ASAH2: variants seen among roughly 807,000 people sequenced by gnomAD.
The protein encoded by ASAH2 is N-acylsphingosine amidohydrolase 2.
A neutral mutation model predicts 82.9 loss-of-function variants in ASAH2; 58 were observed. That is an observed-to-expected ratio of 0.70 (90% CI 0.57 to 0.87). The LOEUF is 0.87. Ranked by LOEUF, ASAH2 falls within the 40% of genes least tolerant of loss-of-function variation. The pLI is 0.00. For synonymous variants in ASAH2, 276 were observed against 289.7 expected, an observed-to-expected ratio of 0.95 and a Z score of 0.48; for missense variants, 779 against 834.0, an observed-to-expected ratio of 0.93 and a Z score of 0.81.
At chr10:50,232,251 G>C (rs1031795817) in intron 7 of ASAH2, among the ~76,000 whole-genome samples, 7 of 152,098 alleles carry the variant, frequency 4.6e-5, no homozygotes, top group Non-Finnish European at 8.8e-5. Context: ...CTACTTGGCA[G>C]ACCCTTTGTC....
chr10:50,210,712 C>T, intron 12 of ASAH2, 111 bp downstream of exon 12: 1 of 1,028,022 alleles, frequency 9.7e-7, no homozygotes, highest in Non-Finnish European at 1.5e-6. Context: ...AACCAGCAGA[C>T]CCTGAGTTTA....
At chr10:50,249,394 G>A (rs1846557046) in intron 1 of ASAH2, among the ~76,000 whole-genome samples, 1 of 152,092 alleles carries the variant, frequency 6.6e-6, no homozygotes, top group South Asian at 2.1e-4. Context: ...AAGGGAGGGA[G>A]AATTAATCAT....
At position 50,245,400 on chromosome 10, in the gene ASAH2, G is replaced by C; in HGVS notation, c.182C>G (p.Ser61Cys). 1 of 1,613,914 alleles carries C rather than the reference G, an allele frequency of 6.2e-7. No homozygotes were observed. The highest frequency in any genetic ancestry group is 8.5e-7 in the Non-Finnish European group (1 of 1,179,944). ...TTQSPPATQGSTAAQRSTATQ... is the reference protein window; with the variant it reads ...TTQSPPATQGCTAAQRSTATQ... ...GGCTGTGGAGCGTTGGGCAGCTGTG[G>C]AGCCCTGGGTGGCTGGAGGGCTTTG... Residue 61 changes from serine (S) to cysteine (C), a missense_variant, in exon 3 of 21, where the codon TCC becomes TGC. Ser to Cys is a moderately radical substitution (Grantham distance 112, BLOSUM62 -1). Coordinates refer to ENST00000682911, the MANE Select transcript of ASAH2 (RefSeq NM_019893.4).
intron 2 of ASAH2, among the ~76,000 whole-genome samples, chr10:50,247,804 C>G (rs751987758): frequency 7.9e-5 from 12 of 151,880 alleles, no homozygotes; most frequent in Non-Finnish European, 1.3e-4. Flanking sequence ...GTAAATGTAG[C>G]CTACGTTGTT....
chr10:50,198,749 T>C (rs1845060187), intron 17 of ASAH2, among the ~76,000 whole-genome samples: 1 of 151,998 alleles, frequency 6.6e-6, no homozygotes, highest in Non-Finnish European at 1.5e-5. Context: ...AGAAATGATA[T>C]CTCCTTAATT....
intron 6 of ASAH2, 67 bp from the exon 7 acceptor site, chr10:50,233,328 A>G (rs986586067): frequency 3.3e-6 from 4 of 1,202,922 alleles, no homozygotes; most frequent in African/African-American, 3.0e-5. Context: ...TAAGATGAAC[A>G]GTAGCAGCTG....
chr10:50,238,601 T>C (rs1395536545), intron 4 of ASAH2, among the ~76,000 whole-genome samples: 1 of 152,136 alleles, frequency 6.6e-6, no homozygotes, highest in Non-Finnish European at 1.5e-5. Context: ...AGGGACATCA[T>C]GAAAGCTGAA....
At chr10:50,225,564 T>A (rs1463132734) in intron 7 of ASAH2, among the ~76,000 whole-genome samples, 9 of 152,210 alleles carry the variant, frequency 5.9e-5, no homozygotes, top group African/African-American at 2.2e-4. Context: ...GTGATTTGAC[T>A]TTTTTAAGCC....
intron 7 of ASAH2, among the ~76,000 whole-genome samples, chr10:50,227,322 AAAAC>A (rs1379664522): frequency 3.0e-5 from 4 of 133,012 alleles, no homozygotes; most frequent in African/African-American, 5.4e-5. Context: ...GATCACTGCA[AAAAC>A]AAACAGATAC....
At position 50,186,710 on chromosome 10, in the gene ASAH2, CTA is replaced by C. The variant is rs1191588190; in HGVS notation, c.*603_*604del. ...ACTCCAGAATGACTGCTTAGAAAGA[CTA>C]TGTTATTTTGAATGAAGGAAAACTG... On this transcript the variant is annotated 3_prime_UTR_variant, in exon 21 of 21. Coordinates refer to ENST00000682911, the MANE Select transcript of ASAH2 (RefSeq NM_019893.4). The C allele has an allele frequency of 7.8e-6, 1 of 127,662 alleles. No homozygotes were observed. Among genetic ancestry groups the C allele is most frequent in the Non-Finnish European group, 1.6e-5 (1 of 61,848 alleles). The allele number at this position is 127,662 out of a possible 1,614,324, so 7.9% of individuals were successfully genotyped here.
intron 7 of ASAH2, among the ~76,000 whole-genome samples, chr10:50,220,798 T>A: frequency 9.0e-6 from 1 of 110,888 alleles, no homozygotes; most frequent in Admixed American, 1.1e-4. Context: ...AAAAAAGAAG[T>A]ATATAATGTC....
At chr10:50,202,450 T>A (rs1845176329) in intron 16 of ASAH2, among the ~76,000 whole-genome samples, 2 of 152,078 alleles carry the variant, frequency 1.3e-5, no homozygotes, top group Non-Finnish European at 2.9e-5. Context: ...TTGCAAAGTC[T>A]TAACCAGTGC....
chr10:50,201,671 C>T (rs1356112111), intron 16 of ASAH2, among the ~76,000 whole-genome samples: 1 of 151,992 alleles, frequency 6.6e-6, no homozygotes, highest in African/African-American at 2.4e-5. Context: ...CATGTTGAGA[C>T]CTAAGGACCT....
At chr10:50,251,016 T>C (rs1846599969) in intron 1 of ASAH2, among the ~76,000 whole-genome samples, 1 of 152,234 alleles carries the variant, frequency 6.6e-6, no homozygotes, top group African/African-American at 2.4e-5. Context: ...TTATTTCTCA[T>C]TGGTGATTAA....
intron 7 of ASAH2, among the ~76,000 whole-genome samples, chr10:50,218,868 A>C (rs1845676136): frequency 6.6e-6 from 1 of 152,230 alleles, no homozygotes; most frequent in South Asian, 2.1e-4. Flanking sequence ...TGACTATTTC[A>C]TCATTGGCAT....
At chr10:50,217,531 C>T (rs1283317882) in intron 8 of ASAH2, among the ~76,000 whole-genome samples, 3 of 152,072 alleles carry the variant, frequency 2.0e-5, no homozygotes, top group East Asian at 1.9e-4. Context: ...TCGGCCTCCT[C>T]GTCTGTTTTC....
chr10:50,203,736 C>G (rs1845222808), intron 14 of ASAH2, 57 bp from the exon 15 acceptor site: 3 of 1,513,770 alleles, frequency 2.0e-6, no homozygotes, highest in Non-Finnish European at 2.8e-6. Flanking sequence ...GCAGAGTACA[C>G]AGAAACACTG....
chr10:50,234,320 C>G, intron 6 of ASAH2, 105 bp downstream of exon 6: 1 of 1,499,212 alleles, frequency 6.7e-7, no homozygotes, highest in Non-Finnish European at 9.3e-7. Flanking sequence ...CTGTAATACT[C>G]TCTTGGGACC....
intron 6 of ASAH2, 139 bp downstream of exon 6, chr10:50,234,286 A>G: frequency 8.3e-7 from 1 of 1,211,834 alleles, no homozygotes; most frequent in Non-Finnish European, 1.2e-6. Flanking sequence ...TTTAGATTAC[A>G]CAGATGTTTT....
Sources: allele counts gnomAD v4.1 joint callset (sites outside exome capture counted in the v4.1 genomes callset), GRCh38; gene constraint gnomAD v4.1.1; transcripts MANE v1.5; gene names NCBI Gene and HGNC (gene_info 2026-07-23, HGNC 2026-07-21).